WNT9B: variants seen among roughly 807,000 people sequenced by gnomAD.
WNT9B encodes the protein protein Wnt-9b.
Under a neutral mutation model 30.2 loss-of-function variants are expected in WNT9B, and 12 were observed. The ratio of observed to expected loss-of-function variants is 0.40; its 90% CI spans 0.26 to 0.64. The LOEUF (loss-of-function observed/expected upper bound fraction) is 0.64, where lower values mean the gene tolerates loss of function less well. Ranked by LOEUF, WNT9B falls within the 30% of genes least tolerant of loss-of-function variation. The pLI is 0.42. For missense variants in WNT9B, 442 were observed against 485.2 expected (o/e 0.91, Z 0.84); for synonymous variants, 218 against 216.9 (o/e 1.01, Z -0.05).
At chr17:46,860,824 T>A (rs1403687989) in intron 1 of WNT9B, among the ~76,000 whole-genome samples, 2 of 152,154 alleles carry the variant, frequency 1.3e-5, no homozygotes, top group African/African-American at 4.8e-5. Flanking sequence ...AGGAGGTAGG[T>A]GCTGATATAA....
rs535771134 is a variant in WNT9B, at chr17:46,872,655, C to T, written c.216C>T (p.Pro72=). 2.9e-5 allele frequency: 46 copies of T among 1,613,662 alleles called. No individual in the cohort carries two copies. The highest frequency in any genetic ancestry group is 2.2e-4 in the South Asian group (20 of 91,046). ...AGAAGCAGCTCTGCCGGAGGGAGCC[C>T]GGCCTGGCTGAGACCCTGAGGGATG... ...RRQKQLCRRE[P]GLAETLRDAA... is the part of the protein sequence containing the mutation. The change falls in exon 2 of 4, where the codon CCC becomes CCT. Residue 72 remains proline, a synonymous_variant. Transcript: ENST00000290015.
upstream of WNT9B, among the ~76,000 whole-genome samples, chr17:46,849,534 G>A (rs932951430): frequency 2.0e-5 from 3 of 152,166 alleles, no homozygotes; most frequent in Non-Finnish European, 4.4e-5. Context: ...GTCCAGCTCA[G>A]GCCCCTCATC....
intron 1 of WNT9B, among the ~76,000 whole-genome samples, chr17:46,863,649 A>C (rs1029075993): frequency 2.6e-5 from 4 of 152,198 alleles, no homozygotes; most frequent in Non-Finnish European, 5.9e-5. Context: ...AAAAAAGGAC[A>C]TGGCTATAAA....
chr17:46,869,246 G>A (rs2146591388), intron 1 of WNT9B, among the ~76,000 whole-genome samples: 1 of 152,278 alleles, frequency 6.6e-6, no homozygotes, highest in South Asian at 2.1e-4. Flanking sequence ...GACTCTCTGA[G>A]CCATCAATCT....
intron 2 of WNT9B, among the ~76,000 whole-genome samples, chr17:46,874,588 A>T (rs575877062): frequency 9.2e-5 from 14 of 152,034 alleles, no homozygotes; most frequent in African/African-American, 2.7e-4. Flanking sequence ...AATTAAAAAA[A>T]TTTTTTTGAG....
Position 46,851,647 on chromosome 17 carries a change from CCCGCCCGCGCTGGCCCTGGCCGGG to C in WNT9B, c.11_34del (p.Pro4_Gly11del). On this transcript the variant is annotated inframe_deletion, in exon 1 of 4. Coordinates refer to ENST00000290015, the MANE Select transcript of WNT9B (RefSeq NM_003396.3). The surrounding 1 kb of genome is among the most constrained non-coding windows in gnomAD (Gnocchi z 4.3). Reference sequence around the variant, plus strand: ...GCAGCGCCGCCAGCACCATGCGCCCCCCGCCCGCGCTGGCCCTGGCCGGGCTCTGCCTGCTGGCGCTGCCCGCCG... The same window carrying C: ...GCAGCGCCGCCAGCACCATGCGCCCCCTCTGCCTGCTGGCGCTGCCCGCCG... The C allele has an allele frequency of 2.3e-6, 3 of 1,281,348 alleles. No homozygotes were observed. The highest frequency in any genetic ancestry group is 2.9e-6 in the Non-Finnish European group (3 of 1,018,972). 79.4% of individuals were successfully genotyped at this position (1,281,348 alleles called of 1,614,324 possible).
intron 1 of WNT9B, among the ~76,000 whole-genome samples, chr17:46,839,256 G>T (rs2084670635): frequency 6.6e-6 from 1 of 152,228 alleles, no homozygotes; most frequent in African/African-American, 2.4e-5. Flanking sequence ...TATTAGCTCT[G>T]AACTCATGCT....
At chr17:46,833,198 G>GT, upstream of WNT9B, 1 of 393,334 alleles carries the variant, frequency 2.5e-6, no homozygotes, top group East Asian at 7.2e-5. Context: ...CACAGAGGAC[G>GT]TCAGCAAACC....
In WNT9B at chr17:46,851,602, G is replaced by T; in HGVS notation, c.-37G>T. On this transcript the variant is annotated 5_prime_UTR_variant, in exon 1 of 4. Coordinates refer to ENST00000290015, the MANE Select transcript of WNT9B (RefSeq NM_003396.3). The surrounding 1 kb of genome is among the most constrained non-coding windows in gnomAD (Gnocchi z 4.3). ...TGGCGGAGCTGCGAGCTTGAGCGGC[G>T]CGAGGAGATGCTAGAGGGCGCAGCG... 8.4e-7 allele frequency: 1 copy of T among 1,192,220 alleles called. No homozygotes were observed. Among genetic ancestry groups the T allele is most frequent in the Non-Finnish European group, 1.1e-6 (1 of 948,554 alleles). 73.9% of individuals were successfully genotyped at this position (1,192,220 alleles called of 1,614,324 possible).
intron 1 of WNT9B, among the ~76,000 whole-genome samples, chr17:46,841,719 G>T (rs929121184): frequency 2.0e-5 from 3 of 152,216 alleles, no homozygotes; most frequent in African/African-American, 7.2e-5. Flanking sequence ...GGGAGTGCGG[G>T]GTAGATGAAG....
chr17:46,868,786 C>T (rs539097119), intron 1 of WNT9B, among the ~76,000 whole-genome samples: 1 of 152,266 alleles, frequency 6.6e-6, no homozygotes, highest in East Asian at 1.9e-4. Context: ...GGATGCCAAA[C>T]AGTATGACTT....
chr17:46,846,621 G>C (rs1406475568), upstream of WNT9B, among the ~76,000 whole-genome samples: 15 of 152,240 alleles, frequency 9.9e-5, no homozygotes, highest in East Asian at 2.5e-3. Context: ...ATGGCTGGGT[G>C]GGGGGCCACC....
At chr17:46,848,503 C>A (rs1314307021), upstream of WNT9B, among the ~76,000 whole-genome samples, 1 of 152,234 alleles carries the variant, frequency 6.6e-6, no homozygotes, top group Non-Finnish European at 1.5e-5. Context: ...ATGGCACAGG[C>A]TGTAGGTCCC....
chr17:46,851,587 G>A lies in WNT9B; in HGVS notation c.-52G>A. The A allele has an allele frequency of 9.3e-7, 1 of 1,073,020 alleles. No homozygotes were observed. Among genetic ancestry groups the A allele is most frequent in the Non-Finnish European group, 1.2e-6 (1 of 842,376 alleles). The allele number at this position is 1,073,020 out of a possible 1,614,324, so 66.5% of individuals were successfully genotyped here. Reference sequence around the variant, plus strand: ...CCCGCGGGCGGGTGGTGGCGGAGCTGCGAGCTTGAGCGGCGCGAGGAGATG... The same window carrying A: ...CCCGCGGGCGGGTGGTGGCGGAGCTACGAGCTTGAGCGGCGCGAGGAGATG... On this transcript the variant is annotated 5_prime_UTR_variant, in exon 1 of 4. Transcript: ENST00000290015. The surrounding 1 kb of genome is among the most constrained non-coding windows in gnomAD (Gnocchi z 4.3).
intron 1 of WNT9B, among the ~76,000 whole-genome samples, chr17:46,855,220 C>T (rs932716747): frequency 7.2e-5 from 11 of 152,282 alleles, no homozygotes; most frequent in African/African-American, 2.2e-4. Flanking sequence ...GCAGAGAGGC[C>T]GAAGGGGGTG....
chr17:46,846,797 G>A (rs529324363), upstream of WNT9B, among the ~76,000 whole-genome samples: 57 of 152,342 alleles, frequency 3.7e-4, no homozygotes, highest in African/African-American at 1.2e-3. Flanking sequence ...GAGGGAGGGA[G>A]GGAGGAACAG....
rs988278269 is a variant in WNT9B at position 46,878,165 on chromosome 17, C to G, written c.*1447C>G. On this transcript the variant is annotated 3_prime_UTR_variant, in exon 4 of 4. Transcript: ENST00000290015. ...TACTTCCCCAGAGTGGGGCCCGATG[C>G]CACCCAGGAGGAAGTGACTTCTTTC... 2.0e-5 allele frequency among the ~76,000 whole-genome samples: 3 copies of G among 152,254 alleles called. No individual in the cohort carries two copies. Among genetic ancestry groups the G allele is most frequent in the African/African-American group, 7.2e-5 (3 of 41,468 alleles).
At chr17:46,845,138 A>G (rs1485340819) in intron 1 of WNT9B, among the ~76,000 whole-genome samples, 1 of 152,124 alleles carries the variant, frequency 6.6e-6, no homozygotes, top group Non-Finnish European at 1.5e-5. Context: ...CGTAAGCCAC[A>G]GTGCCTGGTC....
At chr17:46,875,416 C>T (rs373521610) in intron 3 of WNT9B, 50 bp downstream of exon 3, 29 of 1,520,366 alleles carry the variant, frequency 1.9e-5, no homozygotes, top group Non-Finnish European at 2.5e-5. Context: ...GGGTACACAG[C>T]TGGGGAGCAT....
Sources: allele counts gnomAD v4.1 joint callset (sites outside exome capture counted in the v4.1 genomes callset), GRCh38; gene constraint gnomAD v4.1.1; non-coding constraint Gnocchi (gnomAD v3.1); transcripts MANE v1.5; gene names NCBI Gene and HGNC (gene_info 2026-07-23, HGNC 2026-07-21).